LY6G5C: variants seen among roughly 807,000 people sequenced by gnomAD.
The protein encoded by LY6G5C is lymphocyte antigen 6 family member G5C.
A neutral mutation model predicts 10.5 loss-of-function variants in LY6G5C; 6 were observed. That is an observed-to-expected ratio of 0.57 (90% CI 0.31 to 1.12). The LOEUF is 1.12. Among genes scored for constraint, LY6G5C ranks in the 50% most tolerant of loss-of-function variants. The pLI is 0.05. For missense variants in LY6G5C, 160 were observed against 185.5 expected (o/e 0.86, Z 0.80); for synonymous variants, 69 against 67.8 (o/e 1.02, Z -0.09).
At chr6:31,677,495 T>C (rs1042786861) in intron 2 of LY6G5C, among the ~76,000 whole-genome samples, 2 of 152,204 alleles carry the variant, frequency 1.3e-5, no homozygotes, top group Admixed American at 1.3e-4. Flanking sequence ...CTGCTGCTGT[T>C]ATACATAATA....
Position 31,679,339 on chromosome 6 carries a change from A to G in LY6G5C, c.122-71T>C, listed in dbSNP as rs548666624. ...TCACACCCTACCACTGCCTGATTCCAGGCCACTCAGCCCCACTCCTCCCTC... is the reference window on the plus strand; with the variant it reads ...TCACACCCTACCACTGCCTGATTCCGGGCCACTCAGCCCCACTCCTCCCTC... On this transcript the variant is annotated intron_variant, in intron 1 of 2. Transcript: ENST00000383237. The surrounding 1 kb of genome is among the most constrained non-coding windows in gnomAD (Gnocchi z 4.4). 5.8e-6 allele frequency: 9 copies of G among 1,555,130 alleles called. No homozygotes were observed. In the South Asian group the frequency reaches 7.8e-5, roughly 14 times the overall value.
chr6:31,676,800 G>A (rs139086239), exon 3 of LY6G5C: 265 of 696,804 alleles, frequency 3.8e-4, no homozygotes, highest in African/African-American at 2.8e-3. Context: ...GCTGAAGGGC[G>A]TCAACCAAGA....
intron 2 of LY6G5C, among the ~76,000 whole-genome samples, chr6:31,677,469 G>T (rs1214471494): frequency 2.6e-5 from 4 of 152,208 alleles, no homozygotes; most frequent in African/African-American, 9.6e-5. Flanking sequence ...CAGACCAAAA[G>T]AGAATAAGAT....
rs11443495 is a variant in LY6G5C at position 31,677,201 on chromosome 6, C to CAA, written c.290-83_290-82dup. On this transcript the variant is annotated intron_variant, in intron 2 of 2. Coordinates refer to ENST00000383237, the Ensembl canonical transcript of LY6G5C. ...TCCTCTCATCCCCACACTCATAAGTCAAAAAAAAAAGAAAAAGAAAAGATT... is the reference window on the plus strand; with the variant it reads ...TCCTCTCATCCCCACACTCATAAGTCAAAAAAAAAAAAGAAAAAGAAAAGATT... The CAA allele has an allele frequency of 6.7e-4, 778 of 1,163,504 alleles. No homozygotes were observed. In the East Asian group the frequency reaches 0.011, roughly 17 times the overall value. 72.1% of individuals were successfully genotyped at this position (1,163,504 alleles called of 1,614,324 possible). A position where few individuals can be genotyped will look rare whatever the true frequency, so the allele number is the denominator to read the frequency against.
chr6:31,678,717 G>A (rs1211109903), intron 2 of LY6G5C, among the ~76,000 whole-genome samples: 2 of 152,160 alleles, frequency 1.3e-5, no homozygotes, highest in African/African-American at 4.8e-5. Flanking sequence ...GGTGGCTCAC[G>A]CCTGTAATCC....
At position 31,677,124 on chromosome 6, in the gene LY6G5C, G is replaced by T. The variant is rs1802623960; in HGVS notation, c.290-4C>A. 1 of 1,612,192 alleles carries T rather than the reference G, an allele frequency of 6.2e-7. No homozygotes were observed. The highest frequency in any genetic ancestry group is 1.3e-5 in the African/African-American group (1 of 74,980). The stretch of plus-strand genomic sequence containing the variant: ...ACCATGACGTCAGAACCGCTGCCTG[G>T]GGAGGGACAGTGGGCACCAGTGATA... On this transcript the variant is annotated splice_polypyrimidine_tract_variant and splice_region_variant and intron_variant, in intron 2 of 2. Coordinates refer to ENST00000383237, the Ensembl canonical transcript of LY6G5C.
exon 3 of LY6G5C, chr6:31,677,011 G>A (rs899919889): frequency 6.2e-7 from 1 of 1,613,034 alleles, no homozygotes; most frequent in Non-Finnish European, 8.5e-7. Context: ...CCAGGAAGCA[G>A]TATTGAGAGA....
chr6:31,679,285 T>G lies in LY6G5C; in HGVS notation c.122-17A>C. The G allele has an allele frequency of 6.2e-7, 1 of 1,612,944 alleles. No individual in the cohort carries two copies. Among genetic ancestry groups the G allele is most frequent in the East Asian group, 2.2e-5 (1 of 44,872 alleles). Reference sequence around the variant, plus strand: ...CAAACTTACCTAGAACACAGAGAAGTGCTGACCCCACTCACACCCCATTCT... The same window carrying G: ...CAAACTTACCTAGAACACAGAGAAGGGCTGACCCCACTCACACCCCATTCT... On this transcript the variant is annotated splice_polypyrimidine_tract_variant and intron_variant, in intron 1 of 2. Coordinates refer to ENST00000383237, the Ensembl canonical transcript of LY6G5C. The surrounding 1 kb of genome is among the most constrained non-coding windows in gnomAD (Gnocchi z 4.4).
At position 31,680,268 on chromosome 6, in the gene LY6G5C, T is replaced by C; in HGVS notation, c.106A>G (p.Met36Val). ...AGCCACTTACCAAACACCAAGCTCA[T>C]CATGACCAGCACTATTAAGAGGACC... Residue 36 changes from methionine to valine, a missense_variant, in exon 1 of 3, where the codon ATG (methionine) becomes GTG (valine). Physicochemically the swap from Met to Val is conservative, Grantham distance 21. Transcript: ENST00000383237. The surrounding 1 kb of genome is among the most constrained non-coding windows in gnomAD (Gnocchi z 4.5). 6.2e-7 allele frequency: 1 copy of C among 1,612,620 alleles called. No homozygotes were observed. The highest frequency in any genetic ancestry group is 8.5e-7 in the Non-Finnish European group (1 of 1,179,996).
chr6:31,679,420 G>T lies in LY6G5C; in HGVS notation c.122-152C>A. ...CAATTCTCTGCTTCCTTCCCCAACT[G>T]CATACACATACATCCCCCTTTTCCT... On this transcript the variant is annotated intron_variant, in intron 1 of 2. Coordinates refer to ENST00000383237, the Ensembl canonical transcript of LY6G5C. This position sits in a 1 kb window ranked among gnomAD's most constrained non-coding sequence, Gnocchi z 4.4. 1 of 767,480 alleles carries T rather than the reference G, an allele frequency of 1.3e-6. No individual in the cohort carries two copies. Among genetic ancestry groups the T allele is most frequent in the Non-Finnish European group, 2.2e-6 (1 of 456,620 alleles). 47.5% of individuals were successfully genotyped at this position (767,480 alleles called of 1,614,324 possible).
intron 2 of LY6G5C, among the ~76,000 whole-genome samples, chr6:31,677,793 C>A (rs1055317853): frequency 2.0e-5 from 3 of 152,016 alleles, no homozygotes; most frequent in Non-Finnish European, 2.9e-5. Flanking sequence ...TAGTAAACAG[C>A]ATATTTGTGC....
chr6:31,680,084 G>T lies in LY6G5C; in HGVS notation c.121+169C>A, dbSNP rs1167720098. On this transcript the variant is annotated intron_variant, in intron 1 of 2. Transcript: ENST00000383237. The surrounding 1 kb of genome is among the most constrained non-coding windows in gnomAD (Gnocchi z 4.5). ...AATAATAAATTTTTAAAAATCTTCA[G>T]ATTGCACATCAGTCCATGAGCAGGC... 3 of 646,684 alleles carry T rather than the reference G, an allele frequency of 4.6e-6. No homozygotes were observed. The highest frequency in any genetic ancestry group is 8.1e-6 in the Non-Finnish European group (3 of 369,486). 40.1% of individuals were successfully genotyped at this position (646,684 alleles called of 1,614,324 possible). A position where few individuals can be genotyped will look rare whatever the true frequency, so the allele number is the denominator to read the frequency against.
At chr6:31,676,787 T>C in exon 3 of LY6G5C, 2 of 638,236 alleles carry the variant, frequency 3.1e-6, no homozygotes, top group Non-Finnish European at 5.6e-6. Context: ...TAGCAGTAAG[T>C]GTGCTGAAGG....
rs187890811 is a variant in LY6G5C at position 31,679,365 on chromosome 6, C to A, written c.122-97G>T. On this transcript the variant is annotated intron_variant, in intron 1 of 2. Transcript: ENST00000383237. This position sits in a 1 kb window ranked among gnomAD's most constrained non-coding sequence, Gnocchi z 4.4. ...GGCCACTCAGCCCCACTCCTCCCTC[C>A]CTTCCTGTCTCAGAAAACCATCAAA... 170 of 1,351,394 alleles carry A rather than the reference C, an allele frequency of 1.3e-4. 1 individual carries two copies. The East Asian group carries it at 3.8e-3, about 30-fold the overall frequency. 83.7% of individuals were successfully genotyped at this position (1,351,394 alleles called of 1,614,324 possible).
chr6:31,677,828 G>T (rs1802665036), intron 2 of LY6G5C, among the ~76,000 whole-genome samples: 2 of 152,174 alleles, frequency 1.3e-5, no homozygotes, highest in Admixed American at 6.5e-5. Flanking sequence ...ATAAAAGATT[G>T]CAGGAGGGAT....
At position 31,680,161 on chromosome 6, in the gene LY6G5C, G is replaced by C. The variant is rs568401366; in HGVS notation, c.121+92C>G. ...TCTCTCCTCCTGCATGGGTTTACCTGAGCATCCTGGACAGGTGTACCCAGA... is the reference window on the plus strand; with the variant it reads ...TCTCTCCTCCTGCATGGGTTTACCTCAGCATCCTGGACAGGTGTACCCAGA... On this transcript the variant is annotated intron_variant, in intron 1 of 2. Coordinates refer to ENST00000383237, the Ensembl canonical transcript of LY6G5C. The surrounding 1 kb of genome is among the most constrained non-coding windows in gnomAD (Gnocchi z 4.5). The C allele has an allele frequency of 6.6e-7, 1 of 1,522,162 alleles. No individual in the cohort carries two copies. Among genetic ancestry groups the C allele is most frequent in the Admixed American group, 1.8e-5 (1 of 57,020 alleles). 94.3% of individuals were successfully genotyped at this position (1,522,162 alleles called of 1,614,324 possible).
At chr6:31,677,311 G>C (rs991161163) in intron 2 of LY6G5C, among the ~76,000 whole-genome samples, 191 bp from the exon 3 acceptor site, 2 of 152,222 alleles carry the variant, frequency 1.3e-5, no homozygotes, top group East Asian at 1.9e-4. Flanking sequence ...TGGAGGAAAA[G>C]AGCCATATGA....
At chr6:31,678,624 T>C (rs1802705918) in intron 2 of LY6G5C, among the ~76,000 whole-genome samples, 1 of 152,156 alleles carries the variant, frequency 6.6e-6, no homozygotes, top group African/African-American at 2.4e-5. Context: ...GTAGAAGCTA[T>C]TCAGCTACAG....
chr6:31,679,517 A>T lies in LY6G5C; in HGVS notation c.122-249T>A. The T allele has an allele frequency of 1.1e-5, 6 of 563,792 alleles. No homozygotes were observed. In the South Asian group the frequency reaches 1.3e-4, roughly 13 times the overall value. 34.9% of individuals were successfully genotyped at this position (563,792 alleles called of 1,614,324 possible). A position where few individuals can be genotyped will look rare whatever the true frequency, so the allele number is the denominator to read the frequency against. The stretch of plus-strand genomic sequence containing the variant: ...AGAGCACTTGGTGTTAGGCAGAGGA[A>T]AGTGCTAAACCAACACTTTGAATCC... On this transcript the variant is annotated intron_variant, in intron 1 of 2. Coordinates refer to ENST00000383237, the Ensembl canonical transcript of LY6G5C. The surrounding 1 kb of genome is among the most constrained non-coding windows in gnomAD (Gnocchi z 4.4).
Sources: gnomAD v4.1 joint callset for allele counts (sites outside exome capture counted in the v4.1 genomes callset) on GRCh38, gnomAD v4.1.1 for gene constraint, Gnocchi (gnomAD v3.1) non-coding constraint, MANE v1.5 for transcripts, NCBI Gene and HGNC (gene_info 2026-07-23, HGNC 2026-07-21) for gene names.